CAMTA1: variants seen among roughly 807,000 people sequenced by gnomAD.
CAMTA1 encodes calmodulin binding transcription activator 1.
Under a neutral mutation model 170.9 loss-of-function variants are expected in CAMTA1, and 27 were observed. That is an observed-to-expected ratio of 0.16 (90% confidence interval 0.12 to 0.22). CAMTA1 has a LOEUF of 0.22. CAMTA1 is among the 10% of genes least tolerant of loss of function. The pLI, the probability that CAMTA1 is intolerant of heterozygous loss-of-function variation, is 1.00. For synonymous variants in CAMTA1, 833 were observed against 891.5 expected (o/e 0.93, Z 1.17); for missense variants, 1,619 against 2,217.2 (o/e 0.73, Z 5.42).
chr1:7,658,692 A>G (rs994857972), intron 7 of CAMTA1, among the ~76,000 whole-genome samples: 6 of 152,190 alleles, frequency 3.9e-5, no homozygotes, highest in Non-Finnish European at 8.8e-5. Flanking sequence ...GTGACCCCTC[A>G]TCTTGCCTCC....
chr1:7,569,276 C>A (rs1397317887), intron 6 of CAMTA1, among the ~76,000 whole-genome samples: 1 of 149,844 alleles, frequency 6.7e-6, no homozygotes, highest in African/African-American at 2.5e-5. Flanking sequence ...ATCATCATCA[C>A]ATCACCATCA....
Position 7,065,738 on chromosome 1 carries a change from A to G in CAMTA1, c.235-25566A>G, listed in dbSNP as rs1201845533. Among the ~76,000 whole-genome samples the G allele has an allele frequency of 1.3e-5, 2 of 152,214 alleles. No individual in the cohort carries two copies. The highest frequency in any genetic ancestry group is 6.5e-5 in the Admixed American group (1 of 15,280). On this transcript the variant is annotated intron_variant, in intron 3 of 22. Transcript: ENST00000303635. This position sits in a 1 kb window ranked among gnomAD's most constrained non-coding sequence, Gnocchi z 5.2. ...ATAGGTGGAAGCCCTAGGTCAAAATATCTGACTGCAGAAAAGACCAGTCAG... is the reference window on the plus strand; with the variant it reads ...ATAGGTGGAAGCCCTAGGTCAAAATGTCTGACTGCAGAAAAGACCAGTCAG...
intron 5 of CAMTA1, among the ~76,000 whole-genome samples, chr1:7,432,141 T>TG (rs1043526072): frequency 3.9e-5 from 6 of 152,160 alleles, no homozygotes; most frequent in African/African-American, 1.2e-4. Context: ...CCAGGGGCCC[T>TG]GGGAAGAGCC....
chr1:6,855,666 T>A (rs1662045577), intron 3 of CAMTA1, among the ~76,000 whole-genome samples: 1 of 152,028 alleles, frequency 6.6e-6, no homozygotes, highest in African/African-American at 2.4e-5. Flanking sequence ...TGGACACAGA[T>A]TCAAACTTCA....
chr1:7,102,580 C>G (rs1049610975), intron 4 of CAMTA1, among the ~76,000 whole-genome samples: 5 of 152,272 alleles, frequency 3.3e-5, no homozygotes, highest in African/African-American at 1.2e-4. Context: ...ATGGAAAGAA[C>G]AAATGTATGC....
intron 3 of CAMTA1, among the ~76,000 whole-genome samples, chr1:6,826,517 G>A (rs1647128413): frequency 6.6e-6 from 1 of 152,190 alleles, no homozygotes; most frequent in Admixed American, 6.5e-5. Context: ...TAATTTGGAA[G>A]CCATTTAATA....
chr1:7,121,776 G>C (rs1297167351), intron 4 of CAMTA1, among the ~76,000 whole-genome samples: 3 of 152,168 alleles, frequency 2.0e-5, no homozygotes, highest in Non-Finnish European at 4.4e-5. Context: ...GGCTGTTGGT[G>C]CTGAGGCCTG....
At chr1:7,683,508 CA>C (rs1241662944) in intron 11 of CAMTA1, among the ~76,000 whole-genome samples, 2 of 152,068 alleles carry the variant, frequency 1.3e-5, no homozygotes, top group African/African-American at 4.8e-5. Flanking sequence ...AGCACTGACC[CA>C]GGGGTCACCC....
At chr1:6,886,560 G>A (rs1232839392) in intron 3 of CAMTA1, among the ~76,000 whole-genome samples, 2 of 152,222 alleles carry the variant, frequency 1.3e-5, no homozygotes, top group Admixed American at 1.3e-4. Flanking sequence ...CTGCGCATTG[G>A]GCACAGGCCT....
chr1:7,408,528 G>T (rs995797219), intron 5 of CAMTA1, among the ~76,000 whole-genome samples: 1 of 152,218 alleles, frequency 6.6e-6, no homozygotes, highest in Non-Finnish European at 1.5e-5. Flanking sequence ...AGCCTCAGAG[G>T]AGATGTAGGG....
At chr1:7,483,566 G>A (rs1342171555) in intron 6 of CAMTA1, among the ~76,000 whole-genome samples, 2 of 152,218 alleles carry the variant, frequency 1.3e-5, no homozygotes, top group African/African-American at 4.8e-5. Context: ...TGGGCAGGGA[G>A]ATCAGCCAGG....
Position 7,663,724 on chromosome 1 carries a change from T to G in CAMTA1, c.1177T>G (p.Leu393Val). The G allele has an allele frequency of 6.2e-7, 1 of 1,613,892 alleles. No homozygotes were observed. Among genetic ancestry groups the G allele is most frequent in the South Asian group, 1.1e-5 (1 of 91,078 alleles). The change falls in exon 9 of 23, where the codon TTG becomes GTG. Residue 393 changes from leucine (L) to valine (V), a missense_variant. By Grantham distance (32) the Leu-to-Val change is conservative. This residue lies in a region of CAMTA1 where 731 missense variants were observed against 907.6 expected (regional missense o/e 0.81). Transcript: ENST00000303635. ...GGCGGTGGCCTCTGTGATGGGGAGCTTGTCCCAGAGCGCCACGGTGTTCAT... is the reference window on the plus strand; with the variant it reads ...GGCGGTGGCCTCTGTGATGGGGAGCGTGTCCCAGAGCGCCACGGTGTTCAT... ...GMAVASVMGSLSQSATVFMSE... is the reference protein window; with the variant it reads ...GMAVASVMGSVSQSATVFMSE...
At chr1:7,567,345 G>C (rs1283909974) in intron 6 of CAMTA1, among the ~76,000 whole-genome samples, 4 of 152,246 alleles carry the variant, frequency 2.6e-5, no homozygotes, top group Non-Finnish European at 5.9e-5. Context: ...GGGAGGGCCA[G>C]CTGCAGGAGA....
At chr1:7,737,160 G>A in intron 14 of CAMTA1, 95 bp from the exon 15 acceptor site, 2 of 1,398,110 alleles carry the variant, frequency 1.4e-6, no homozygotes, top group Non-Finnish European at 9.9e-7. Flanking sequence ...GAGATTGCCA[G>A]CAAGGACCAG....
At chr1:6,853,277 G>T (rs983355804) in intron 3 of CAMTA1, 1 of 152,164 alleles carries the variant, frequency 6.6e-6, no homozygotes, top group East Asian at 1.9e-4. Context: ...TAGCATATAA[G>T]TTGTGGGGGT....
chr1:6,913,824 G>C (rs1680205963), intron 3 of CAMTA1, among the ~76,000 whole-genome samples: 1 of 151,892 alleles, frequency 6.6e-6, no homozygotes, highest in South Asian at 2.1e-4. Flanking sequence ...GTAGAGATGG[G>C]GGCCTTCCTG....
At position 7,083,326 on chromosome 1, in the gene CAMTA1, G is replaced by A. The variant is rs79083432; in HGVS notation, c.235-7978G>A. On this transcript the variant is annotated intron_variant, in intron 3 of 22. Coordinates refer to ENST00000303635, the MANE Select transcript of CAMTA1 (RefSeq NM_015215.4). ...TCATAAACTGTCAGAGTAGAGCTAC[G>A]TTGCATTCCATGCAAATAAAAAAAA... Among the ~76,000 whole-genome samples, 573 of 152,294 alleles carry A rather than the reference G, an allele frequency of 3.8e-3. 11 individuals are homozygous for A. In the East Asian group the frequency reaches 0.052, roughly 14 times the overall value.
At chr1:7,499,991 G>A (rs1486549170) in intron 6 of CAMTA1, among the ~76,000 whole-genome samples, 1 of 146,742 alleles carries the variant, frequency 6.8e-6, no homozygotes, top group Non-Finnish European at 1.5e-5. Context: ...ATAGGTATAT[G>A]AGTGTGTGTG....
intron 1 of CAMTA1, among the ~76,000 whole-genome samples, chr1:6,801,019 C>T (rs932272351): frequency 3.5e-4 from 54 of 152,190 alleles, no homozygotes; most frequent in African/African-American, 1.2e-3. Context: ...TTGATAGAGG[C>T]TGTTGTGCTA....
Sources: allele counts gnomAD v4.1 joint callset (sites outside exome capture counted in the v4.1 genomes callset), GRCh38; gene constraint gnomAD v4.1.1; regional missense constraint gnomAD v4.1.1; non-coding constraint Gnocchi (gnomAD v3.1); transcripts MANE v1.5; gene names NCBI Gene and HGNC (gene_info 2026-07-23, HGNC 2026-07-21).